ATP8A2: variants seen among roughly 807,000 people sequenced by gnomAD.
ATP8A2 encodes phospholipid-transporting ATPase IB.
In ATP8A2, 100 loss-of-function variants were observed where a neutral mutation model predicts 165.6. The ratio of observed to expected loss-of-function variants is 0.60; its 90% CI spans 0.51 to 0.71. ATP8A2 has a LOEUF of 0.71. Among genes scored for constraint, ATP8A2 ranks in the 30% least tolerant of loss-of-function variants. The pLI, the probability that ATP8A2 is intolerant of heterozygous loss-of-function variation, is 0.00. For missense variants in ATP8A2, 1,227 were observed against 1,479.5 expected, an observed-to-expected ratio of 0.83 and a Z score of 2.80; for synonymous variants, 543 against 548.8, an observed-to-expected ratio of 0.99 and a Z score of 0.15.
intron 35 of ATP8A2, among the ~76,000 whole-genome samples, chr13:25,979,010 A>C (rs542458496): frequency 1.5e-4 from 23 of 150,708 alleles, no homozygotes; most frequent in African/African-American, 5.4e-4. Flanking sequence ...TGCACACTAC[A>C]GCACAGAGCA....
At chr13:25,577,560 A>G (rs2039653968) in intron 20 of ATP8A2, among the ~76,000 whole-genome samples, 1 of 152,196 alleles carries the variant, frequency 6.6e-6, no homozygotes, top group African/African-American at 2.4e-5. Flanking sequence ...CTCATACATT[A>G]TAGAGAGACG....
At chr13:25,777,601 T>A (rs2044770928) in intron 27 of ATP8A2, among the ~76,000 whole-genome samples, 1 of 152,224 alleles carries the variant, frequency 6.6e-6, no homozygotes, top group African/African-American at 2.4e-5. Flanking sequence ...AGATGCCCTC[T>A]AAGATACATA....
In ATP8A2 at chr13:25,372,377, C is replaced by G. The variant is rs1363464742; in HGVS notation, c.76+89C>G. The G allele has an allele frequency of 8.2e-6, 8 of 971,294 alleles. No homozygotes were observed. Among genetic ancestry groups the G allele is most frequent in the Middle Eastern group, 3.7e-4 (1 of 2,680 alleles). 60.2% of individuals were successfully genotyped at this position (971,294 alleles called of 1,614,324 possible). On this transcript the variant is annotated intron_variant, in intron 1 of 36. Transcript: ENST00000381655. This position sits in a 1 kb window ranked among gnomAD's most constrained non-coding sequence, Gnocchi z 4.8. ...TGCGGTTATGCGACACTGCCCCGCC[C>G]GCGCCCCGCTCCCCTCCCTGGGCTC...
At chr13:25,851,320 G>A (rs974781441) in intron 30 of ATP8A2, among the ~76,000 whole-genome samples, 1 of 152,116 alleles carries the variant, frequency 6.6e-6, no homozygotes, top group Non-Finnish European at 1.5e-5. Context: ...CGTGGCTCAC[G>A]CCTGTAATCC....
At chr13:25,912,206 T>C (rs1026392280) in intron 33 of ATP8A2, among the ~76,000 whole-genome samples, 25 of 150,886 alleles carry the variant, frequency 1.7e-4, no homozygotes, top group African/African-American at 6.1e-4. Flanking sequence ...AGTGGAATAG[T>C]CTTCAGCCTT....
intron 27 of ATP8A2, 122 bp from the exon 28 acceptor site, chr13:25,827,996 T>G (rs955027762): frequency 4.0e-6 from 3 of 754,350 alleles, no homozygotes; most frequent in East Asian, 2.5e-5. Context: ...GCAGTCCCTG[T>G]GGCTCATGAT....
intron 25 of ATP8A2, among the ~76,000 whole-genome samples, chr13:25,715,142 A>G (rs2043229471): frequency 6.6e-6 from 1 of 152,208 alleles, no homozygotes; most frequent in Non-Finnish European, 1.5e-5. Flanking sequence ...GTTAGTGTCT[A>G]TTGAGCAACT....
At chr13:25,549,567 C>G (rs1342272839) in intron 10 of ATP8A2, among the ~76,000 whole-genome samples, 2 of 151,624 alleles carry the variant, frequency 1.3e-5, no homozygotes, top group Non-Finnish European at 2.9e-5. Context: ...TGATTTAAGT[C>G]AGGAATTATT....
intron 10 of ATP8A2, 84 bp from the exon 11 acceptor site, chr13:25,551,254 T>C (rs2038812275): frequency 7.7e-7 from 1 of 1,304,204 alleles, no homozygotes; most frequent in African/African-American, 1.5e-5. Context: ...GGTTGTTAAA[T>C]ATGGTTGTTT....
At position 26,023,770 on chromosome 13, in the gene ATP8A2, T is replaced by C. The variant is rs1957118997; in HGVS notation, c.*3785T>C. The C allele has an allele frequency of 6.6e-6, 1 of 152,198 alleles. No homozygotes were observed. The allele number at this position is 152,198 out of a possible 1,614,324, so 9.4% of individuals were successfully genotyped here. On this transcript the variant is annotated 3_prime_UTR_variant, in exon 37 of 37. Coordinates refer to ENST00000381655, the MANE Select transcript of ATP8A2 (RefSeq NM_016529.6). ...TGAACGTGTGAAAGGACTGCACACT[T>C]TTCAGCCAGGGTTTGAGTTACTGCC... is the stretch of plus-strand genomic sequence containing the variant.
intron 2 of ATP8A2, among the ~76,000 whole-genome samples, chr13:25,497,368 G>A (rs2036710155): frequency 6.6e-6 from 1 of 152,060 alleles, no homozygotes; most frequent in South Asian, 2.1e-4. Context: ...AGGACTGATT[G>A]CCTATTAAAT....
intron 25 of ATP8A2, among the ~76,000 whole-genome samples, chr13:25,707,056 A>G (rs1459010342): frequency 6.6e-6 from 1 of 152,162 alleles, no homozygotes; most frequent in Non-Finnish European, 1.5e-5. Context: ...TTTTCCACCC[A>G]CAGATCTTAC....
At chr13:25,694,868 G>A (rs2042802526) in intron 24 of ATP8A2, among the ~76,000 whole-genome samples, 1 of 151,798 alleles carries the variant, frequency 6.6e-6, no homozygotes, top group African/African-American at 2.4e-5. Flanking sequence ...TTTTTTCTAG[G>A]GACAGAGTCT....
chr13:25,543,742 T>C (rs1018283969), intron 10 of ATP8A2, among the ~76,000 whole-genome samples: 1 of 152,238 alleles, frequency 6.6e-6, no homozygotes, highest in Non-Finnish European at 1.5e-5. Context: ...TTAATTAGGA[T>C]TTTATAGCAA....
chr13:25,794,409 C>T lies in ATP8A2; in HGVS notation c.2679+19450C>T, dbSNP rs562792293. Among the ~76,000 whole-genome samples, 226 of 152,326 alleles carry T rather than the reference C, an allele frequency of 1.5e-3. 2 individuals carry two copies. The highest frequency in any genetic ancestry group is 5.3e-3 in the African/African-American group (219 of 41,586). ...ATTGTGCTACATGAAAGAACCCAGA[C>T]TCAAAAATGACACCCTTTCGTATGA... On this transcript the variant is annotated intron_variant, in intron 27 of 36. Coordinates refer to ENST00000381655, the MANE Select transcript of ATP8A2 (RefSeq NM_016529.6).
intron 34 of ATP8A2, among the ~76,000 whole-genome samples, chr13:25,963,393 C>CAAAAAA (rs763926807): frequency 2.4e-4 from 28 of 115,300 alleles, no homozygotes; most frequent in East Asian, 4.7e-4. Flanking sequence ...GACTCCGTCT[C>CAAAAAA]AAAAAAAAAA....
chr13:25,670,067 C>G (rs551360793), intron 24 of ATP8A2, among the ~76,000 whole-genome samples: 2 of 152,314 alleles, frequency 1.3e-5, no homozygotes, highest in Admixed American at 1.3e-4. Context: ...CTTTCTTACT[C>G]AAATCCAGCT....
chr13:25,727,638 T>A (rs2043523975), intron 25 of ATP8A2, among the ~76,000 whole-genome samples: 1 of 152,158 alleles, frequency 6.6e-6, no homozygotes, highest in South Asian at 2.1e-4. Flanking sequence ...CTATAAAATG[T>A]CCTCTAGCAA....
chr13:25,783,441 A>G (rs2044938251), intron 27 of ATP8A2, among the ~76,000 whole-genome samples: 1 of 152,146 alleles, frequency 6.6e-6, no homozygotes, highest in African/African-American at 2.4e-5. Flanking sequence ...CAAGTCAAGA[A>G]CTCTTGGGTC....
Sources: gnomAD v4.1 joint callset for allele counts (sites outside exome capture counted in the v4.1 genomes callset) on GRCh38, gnomAD v4.1.1 for gene constraint, Gnocchi (gnomAD v3.1) non-coding constraint, MANE v1.5 for transcripts, NCBI Gene and HGNC (gene_info 2026-07-23, HGNC 2026-07-21) for gene names.